Variants in P2RX7 observed in about 807,000 individuals in gnomAD.
The protein encoded by P2RX7 is P2X purinoceptor 7.
P2RX7 carries 62 observed loss-of-function variants against 71.6 expected under a neutral mutation model. The observed-to-expected ratio is 0.87, with a 90% CI of 0.71 to 1.07. The LOEUF is 1.07. Ranked by LOEUF, P2RX7 falls within the 50% of genes least tolerant of loss-of-function variation. The pLI is 0.00. For missense variants in P2RX7, 686 were observed against 748.5 expected (o/e 0.92, Z 0.97); for synonymous variants, 299 against 283.3 (o/e 1.06, Z -0.56).
chr12:121,159,623 C>A (rs536556535), intron 3 of P2RX7, among the ~76,000 whole-genome samples: 1 of 152,190 alleles, frequency 6.6e-6, no homozygotes, highest in Admixed American at 6.5e-5. Flanking sequence ...ATTTTCACAC[C>A]TATGTCATGT....
intron 12 of P2RX7, among the ~76,000 whole-genome samples, chr12:121,181,726 G>A (rs2568000): frequency 0.015 from 2,344 of 151,928 alleles, 54 homozygotes; most frequent in African/African-American, 0.052. Flanking sequence ...GCATGGTGGC[G>A]GGCGACTGTA....
chr12:121,184,582 T>C lies in P2RX7; in HGVS notation c.1568T>C (p.Leu523Pro), dbSNP rs776077364. Residue 523 changes from leucine (L) to proline (P), a missense_variant, in exon 13 of 13, where the codon CTG becomes CCG. Physicochemically the swap from Leu to Pro is moderately conservative, Grantham distance 98 (BLOSUM62 -3). Coordinates refer to ENST00000328963, the MANE Select transcript of P2RX7 (RefSeq NM_002562.6). ...AAGCTGGTCCTGTCCAGACACGTCCTGCAGTTCCTCCTGCTCTACCAGGAG... is the reference window on the plus strand; with the variant it reads ...AAGCTGGTCCTGTCCAGACACGTCCCGCAGTTCCTCCTGCTCTACCAGGAG... Reference protein sequence around the residue: ...FRKLVLSRHVLQFLLLYQEPL... With the variant: ...FRKLVLSRHVPQFLLLYQEPL... The C allele has an allele frequency of 1.2e-6, 2 of 1,613,980 alleles. No individual in the cohort carries two copies. The highest frequency in any genetic ancestry group is 1.7e-5 in the Admixed American group (1 of 59,994).
intron 1 of P2RX7, among the ~76,000 whole-genome samples, chr12:121,153,658 A>G (rs867026396): frequency 6.6e-6 from 1 of 151,856 alleles, no homozygotes; most frequent in Middle Eastern, 3.4e-3. Context: ...AGCCCGGGCT[A>G]CAGAGCAAGA....
chr12:121,163,354 A>ACG (rs1555226373), intron 5 of P2RX7, among the ~76,000 whole-genome samples: 3,574 of 101,590 alleles, frequency 0.035, 79 homozygotes, highest in East Asian at 0.15. Context: ...ACACACACAC[A>ACG]CACGCACACA....
chr12:121,133,919 T>A (rs912945051), intron 1 of P2RX7, among the ~76,000 whole-genome samples: 4 of 152,308 alleles, frequency 2.6e-5, no homozygotes, highest in Admixed American at 1.3e-4. Context: ...AGACGGGGTC[T>A]CACTATTTTG....
At chr12:121,166,887 C>CAAA (rs59533773) in intron 7 of P2RX7, among the ~76,000 whole-genome samples, 3,722 of 107,592 alleles carry the variant, frequency 0.035, 171 homozygotes, top group African/African-American at 0.11. Context: ...ACTAAAAATA[C>CAAA]AAAAAAAAAA....
chr12:121,151,553 C>T (rs1877406471), intron 1 of P2RX7, among the ~76,000 whole-genome samples: 1 of 152,038 alleles, frequency 6.6e-6, no homozygotes, highest in African/African-American at 2.4e-5. Flanking sequence ...ATTTTTAATT[C>T]CCTTGTTTGT....
chr12:121,151,503 G>A (rs1877398798), intron 1 of P2RX7, among the ~76,000 whole-genome samples: 2 of 152,104 alleles, frequency 1.3e-5, no homozygotes, highest in African/African-American at 4.8e-5. Flanking sequence ...TTACAGGCAT[G>A]AGCCACCATG....
intron 1 of P2RX7, among the ~76,000 whole-genome samples, chr12:121,142,738 C>A (rs487417): frequency 6.6e-6 from 1 of 152,058 alleles, no homozygotes; most frequent in Non-Finnish European, 1.5e-5. Flanking sequence ...TATAAGGACG[C>A]GTGTAATAGC....
chr12:121,161,105 C>T (rs1171893631), intron 4 of P2RX7, 131 bp downstream of exon 4: 16 of 758,706 alleles, frequency 2.1e-5, no homozygotes, highest in Middle Eastern at 7.3e-4. Flanking sequence ...AAGCCATAGG[C>T]GAGTCTGCCC....
intron 1 of P2RX7, among the ~76,000 whole-genome samples, chr12:121,153,306 G>A (rs1163287595): frequency 1.3e-5 from 2 of 152,126 alleles, no homozygotes; most frequent in Non-Finnish European, 2.9e-5. Context: ...TCTTAGACTT[G>A]CTAATATCAC....
chr12:121,154,995 C>G lies in P2RX7; in HGVS notation c.294+42C>G, dbSNP rs202020122. 20 of 1,608,636 alleles carry G rather than the reference C, an allele frequency of 1.2e-5. No homozygotes were observed. In the Middle Eastern group the frequency reaches 5.0e-4, roughly 40 times the overall value. On this transcript the variant is annotated intron_variant, in intron 2 of 12. Coordinates refer to ENST00000328963, the MANE Select transcript of P2RX7 (RefSeq NM_002562.6). The surrounding 1 kb of genome is among the most constrained non-coding windows in gnomAD (Gnocchi z 4.2). ...ATTCTCCCAGGCTCGTCGCTGGTCA[C>G]CGTCGCCAGGGCCTAGCTCCCTTCC...
chr12:121,182,733 A>G (rs181064085), intron 12 of P2RX7, among the ~76,000 whole-genome samples: 1 of 152,368 alleles, frequency 6.6e-6, no homozygotes, highest in Admixed American at 6.5e-5. Context: ...CGTGCACTAC[A>G]GTAGACTTCA....
At position 121,132,948 on chromosome 12, in the gene P2RX7, G is replaced by A. The variant is rs772879423; in HGVS notation, c.-23G>A. 2.7e-5 allele frequency: 43 copies of A among 1,613,050 alleles called. No individual in the cohort carries two copies. Among genetic ancestry groups the A allele is most frequent in the Non-Finnish European group, 3.4e-5 (40 of 1,179,986 alleles). On this transcript the variant is annotated 5_prime_UTR_variant, in exon 1 of 13. Transcript: ENST00000328963. ...AAGAGTAGAGCTCTGGTCCAGCTCC[G>A]CGCAGGGAGGGAGGCTGTCACCATG...
At chr12:121,183,612 CAA>C (rs1220901988) in intron 12 of P2RX7, among the ~76,000 whole-genome samples, 7 of 145,602 alleles carry the variant, frequency 4.8e-5, no homozygotes, top group East Asian at 4.0e-4. Context: ...CACACACACA[CAA>C]AAACCATTTC....
Position 121,175,427 on chromosome 12 carries a change from G to C in P2RX7, c.921G>C (p.Arg307=). Residue 307 remains arginine (R), a synonymous_variant, in exon 9 of 13, where the codon CGG becomes CGC. Coordinates refer to ENST00000328963, the MANE Select transcript of P2RX7 (RefSeq NM_002562.6). ...ACAAGGAAAACAATGTTGAGAAACG[G>C]ACTCTGATAAAAGTCTTCGGGATCC... ...KYYKENNVEK[R]TLIKVFGIRF... The C allele has an allele frequency of 6.2e-7, 1 of 1,600,236 alleles. No homozygotes were observed. The highest frequency in any genetic ancestry group is 8.6e-7 in the Non-Finnish European group (1 of 1,167,530).
intron 8 of P2RX7, among the ~76,000 whole-genome samples, chr12:121,173,113 C>T (rs749846220): frequency 5.9e-5 from 9 of 152,064 alleles, no homozygotes; most frequent in South Asian, 2.1e-4. Context: ...TTGTGCCTGG[C>T]GCTTAATTTT....
intron 1 of P2RX7, among the ~76,000 whole-genome samples, chr12:121,152,224 A>C (rs961255031): frequency 2.0e-5 from 3 of 152,092 alleles, no homozygotes; most frequent in African/African-American, 7.2e-5. Context: ...CAAGTGATCC[A>C]CCCACCTTGG....
intron 4 of P2RX7, among the ~76,000 whole-genome samples, chr12:121,162,055 C>A (rs971311101): frequency 1.3e-5 from 2 of 152,140 alleles, no homozygotes; most frequent in African/African-American, 4.8e-5. Flanking sequence ...ACATCCTGGG[C>A]AGGCTGTGTA....
Sources: allele counts gnomAD v4.1 joint callset (sites outside exome capture counted in the v4.1 genomes callset), GRCh38; gene constraint gnomAD v4.1.1; non-coding constraint Gnocchi (gnomAD v3.1); transcripts MANE v1.5; gene names NCBI Gene and HGNC (gene_info 2026-07-23, HGNC 2026-07-21).